Variants in ANKRD17 observed in about 807,000 individuals in gnomAD.
The protein encoded by ANKRD17 is ankyrin repeat domain-containing protein 17.
Under a neutral mutation model 229.7 loss-of-function variants are expected in ANKRD17, and 19 were observed. That is an observed-to-expected ratio of 0.08 (90% confidence interval 0.06 to 0.12). ANKRD17 has a LOEUF of 0.12. Ranked by LOEUF, ANKRD17 falls within the 10% of genes least tolerant of loss-of-function variation. ANKRD17 has a pLI of 1.00. For synonymous variants in ANKRD17, 1,112 were observed against 1,146.1 expected, an observed-to-expected ratio of 0.97 and a Z score of 0.60; for missense variants, 2,176 against 3,176.8, an observed-to-expected ratio of 0.68 and a Z score of 7.57.
rs1723527246 is a variant in ANKRD17, at chr4:73,098,116, G to A, written c.4978C>T (p.Pro1660Ser). Residue 1660 changes from proline to serine, a missense_variant, in exon 26 of 34, where the codon CCA becomes TCA. Pro to Ser is a moderately conservative substitution (Grantham distance 74). Coordinates refer to ENST00000358602, the MANE Select transcript of ANKRD17 (RefSeq NM_032217.5). ...GAAACAGATTTTCTCTCTTCCTTTG[G>A]AAATGTAACAAGAACTGATGGCTGC... ...KKQPSVLVTF[P>S]KEERKSVSGK... 1 of 1,607,054 alleles carries A rather than the reference G, an allele frequency of 6.2e-7. No homozygotes were observed. Among genetic ancestry groups the A allele is most frequent in the Admixed American group, 1.7e-5 (1 of 59,322 alleles).
chr4:73,196,907 T>C (rs927847388), intron 1 of ANKRD17, among the ~76,000 whole-genome samples: 2 of 152,206 alleles, frequency 1.3e-5, no homozygotes, highest in African/African-American at 4.8e-5. Context: ...AGAAATCTGA[T>C]TTTATTATTT....
At chr4:73,138,990 T>TA (rs1729270297) in intron 15 of ANKRD17, among the ~76,000 whole-genome samples, 1 of 152,146 alleles carries the variant, frequency 6.6e-6, no homozygotes, top group South Asian at 2.1e-4. Context: ...CAAAATCACT[T>TA]ACATACAGTA....
At chr4:73,154,902 A>G (rs1341852635) in intron 5 of ANKRD17, among the ~76,000 whole-genome samples, 2 of 151,976 alleles carry the variant, frequency 1.3e-5, no homozygotes, top group East Asian at 1.9e-4. Flanking sequence ...TTAGCCGGGC[A>G]TAGTGGCAGG....
intron 1 of ANKRD17, among the ~76,000 whole-genome samples, chr4:73,256,985 T>C (rs543234844): frequency 7.5e-4 from 114 of 152,370 alleles, no homozygotes; most frequent in African/African-American, 2.6e-3. Context: ...TAAAAGGTAC[T>C]TCTCTATTTC....
intron 1 of ANKRD17, among the ~76,000 whole-genome samples, chr4:73,249,888 A>G (rs768095651): frequency 2.0e-5 from 3 of 152,164 alleles, no homozygotes; most frequent in Non-Finnish European, 4.4e-5. Context: ...AATAAATTAA[A>G]AAGAAAGAAT....
At position 73,146,852 on chromosome 4, in the gene ANKRD17, G is replaced by A; in HGVS notation, c.1781C>T (p.Thr594Ile). The change falls in exon 10 of 34, where the codon ACA (threonine) becomes ATA (isoleucine). Residue 594 changes from threonine to isoleucine, a missense_variant. Physicochemically the swap from Thr to Ile is moderately conservative, Grantham distance 89. Coordinates refer to ENST00000358602, the MANE Select transcript of ANKRD17 (RefSeq NM_032217.5). ...TGTTAGTGCTGTATCCCCTGTTGCT[G>A]TTGTTGCATGAACGTTAGCTCCTGT... ...LAAGANVHAT[T>I]ATGDTALTYA... 2 of 1,612,356 alleles carry A rather than the reference G, an allele frequency of 1.2e-6. No homozygotes were observed. The highest frequency in any genetic ancestry group is 1.7e-6 in the Non-Finnish European group (2 of 1,178,916).
At chr4:73,256,358 T>A (rs771378678) in intron 1 of ANKRD17, among the ~76,000 whole-genome samples, 7 of 152,258 alleles carry the variant, frequency 4.6e-5, no homozygotes, top group South Asian at 4.1e-4. Context: ...TCAACTATCA[T>A]AACCTTGCTC....
At chr4:73,121,848 G>A (rs1726774965) in intron 18 of ANKRD17, 89 bp from the exon 19 acceptor site, 4 of 1,303,778 alleles carry the variant, frequency 3.1e-6, no homozygotes, top group African/African-American at 3.0e-5. Flanking sequence ...CTGGTATACT[G>A]TACAATAAAA....
rs944291621 is a variant in ANKRD17, at chr4:73,139,674, T to C, written c.2942A>G (p.Gln981Arg). ...TACTGGCTGTCCAACTATCACTCCT[T>C]GCAGTTCTGTAAGATTTGCGATGGA... ...PGSIANLTEL[Q>R]GVIVGQPVLG... The change falls in exon 15 of 34, where the codon CAA becomes CGA. Residue 981 changes from glutamine to arginine, a missense_variant. Physicochemically the swap from Gln to Arg is conservative, Grantham distance 43. Coordinates refer to ENST00000358602, the MANE Select transcript of ANKRD17 (RefSeq NM_032217.5). 1 of 1,614,012 alleles carries C rather than the reference T, an allele frequency of 6.2e-7. No homozygotes were observed. The highest frequency in any genetic ancestry group is 8.5e-7 in the Non-Finnish European group (1 of 1,180,020).
Position 73,155,704 on chromosome 4 carries a change from A to G in ANKRD17, c.927T>C (p.Ala309=), listed in dbSNP as rs773137976. The change falls in exon 5 of 34, where the codon GCT becomes GCC. Residue 309 remains alanine, a synonymous_variant. Coordinates refer to ENST00000358602, the MANE Select transcript of ANKRD17 (RefSeq NM_032217.5). ...KGDITPLMAA[A]NGGHVKIVKL... is the part of the protein sequence containing the mutation. ...TCACAATTTTGACATGTCCTCCATT[A>G]GCAGCAGCCATTAAAGGTGTAATGT... is the stretch of plus-strand genomic sequence containing the variant. 7 of 1,614,170 alleles carry G rather than the reference A, an allele frequency of 4.3e-6. No homozygotes were observed. Among genetic ancestry groups the G allele is most frequent in the Non-Finnish European group, 5.1e-6 (6 of 1,180,018 alleles).
chr4:73,215,804 A>C (rs1428667471), intron 1 of ANKRD17, among the ~76,000 whole-genome samples: 2 of 152,246 alleles, frequency 1.3e-5, no homozygotes, highest in Non-Finnish European at 1.5e-5. Context: ...CAATTATCTG[A>C]AAGGGCTATG....
chr4:73,092,332 T>C (rs918437617), intron 28 of ANKRD17, 32 bp from the exon 29 acceptor site: 3 of 1,544,568 alleles, frequency 1.9e-6, no homozygotes, highest in African/African-American at 1.4e-5. Context: ...TTAGGTAGAA[T>C]TTTCCCTACT....
At chr4:73,214,847 TA>T (rs766995925) in intron 1 of ANKRD17, among the ~76,000 whole-genome samples, 1,809 of 85,588 alleles carry the variant, frequency 0.021, 28 homozygotes, top group African/African-American at 0.063. Context: ...TCGTCTCTAT[TA>T]AAAAAAAAAA....
chr4:73,167,067 T>C (rs563261347), intron 2 of ANKRD17, among the ~76,000 whole-genome samples: 4 of 152,304 alleles, frequency 2.6e-5, no homozygotes, highest in African/African-American at 9.6e-5. Context: ...AATATTTATA[T>C]ATATGAAATG....
At chr4:73,157,942 A>AG (rs1731886922) in intron 3 of ANKRD17, among the ~76,000 whole-genome samples, 2 of 151,858 alleles carry the variant, frequency 1.3e-5, no homozygotes, top group Non-Finnish European at 2.9e-5. Flanking sequence ...ACAAAAAAAA[A>AG]TTAGCCGGGC....
At chr4:73,234,433 CTT>C (rs2149247612) in intron 1 of ANKRD17, among the ~76,000 whole-genome samples, 1 of 152,286 alleles carries the variant, frequency 6.6e-6, no homozygotes, top group East Asian at 1.9e-4. Flanking sequence ...CTTTCATCCT[CTT>C]GATTGTCCTC....
intron 24 of ANKRD17, chr4:73,113,276 C>T: frequency 7.8e-7 from 1 of 1,289,226 alleles, no homozygotes; most frequent in Non-Finnish European, 1.0e-6. Flanking sequence ...TATTTTACTC[C>T]CCATGGGAAT....
intron 1 of ANKRD17, among the ~76,000 whole-genome samples, chr4:73,251,712 C>T (rs1745046706): frequency 6.6e-6 from 1 of 151,974 alleles, no homozygotes; most frequent in African/African-American, 2.4e-5. Flanking sequence ...TATGAAGGTC[C>T]TCATTAAATC....
At chr4:73,099,568 C>T (rs1022069332) in intron 25 of ANKRD17, among the ~76,000 whole-genome samples, 28 of 152,196 alleles carry the variant, frequency 1.8e-4, no homozygotes, top group African/African-American at 6.5e-4. Flanking sequence ...TGGGAGGATT[C>T]CCCTGGCCTT....
Sources: gnomAD v4.1 joint callset for allele counts (sites outside exome capture counted in the v4.1 genomes callset) on GRCh38, gnomAD v4.1.1 for gene constraint, MANE v1.5 for transcripts, NCBI Gene and HGNC (gene_info 2026-07-23, HGNC 2026-07-21) for gene names.